CDC6: variants seen among roughly 807,000 people sequenced by gnomAD.
CDC6 encodes the protein DNA replication factor CDC6.
A neutral mutation model predicts 60.2 loss-of-function variants in CDC6; 46 were observed. The observed-to-expected ratio is 0.76, with a 90% CI of 0.60 to 0.98. The LOEUF (loss-of-function observed/expected upper bound fraction) is 0.98, where lower values mean the gene tolerates loss of function less well. Among genes scored for constraint, CDC6 ranks in the 50% least tolerant of loss-of-function variants. The pLI is 0.00. For missense variants in CDC6, 596 were observed against 652.9 expected (o/e 0.91, Z 0.95); for synonymous variants, 210 against 233.2 (o/e 0.90, Z 0.90).
At chr17:40,299,685 G>A (rs181236317) in intron 9 of CDC6, among the ~76,000 whole-genome samples, 1 of 150,824 alleles carries the variant, frequency 6.6e-6, no homozygotes, top group African/African-American at 2.4e-5. Flanking sequence ...ATTGCTTTGA[G>A]CTAAGGAGTT....
In CDC6 at chr17:40,293,438, T is replaced by G; in HGVS notation, c.661-18T>G. 1 of 1,611,528 alleles carries G rather than the reference T, an allele frequency of 6.2e-7. No homozygotes were observed. The highest frequency in any genetic ancestry group is 8.5e-7 in the Non-Finnish European group (1 of 1,177,676). On this transcript the variant is annotated intron_variant, in intron 4 of 11. Transcript: ENST00000209728. ...TCTGAGGCCAAAATAACTCCCATAT[T>G]TGCATTTTTTTTTCCAGAAGGAACT...
chr17:40,291,348 T>C lies in CDC6; in HGVS notation c.460+9T>C. On this transcript the variant is annotated intron_variant, in intron 3 of 11. Transcript: ENST00000209728. ...ACTATTCAAGCAAGAAGGTTTGTTC[T>C]TACATGGCAACTGTTAGTGCAGCCA... The C allele has an allele frequency of 3.1e-6, 5 of 1,614,118 alleles. No homozygotes were observed. Among genetic ancestry groups the C allele is most frequent in the Middle Eastern group, 1.6e-4 (1 of 6,062 alleles).
chr17:40,295,569 T>C (rs2032845693), intron 8 of CDC6, 113 bp downstream of exon 8: 2 of 746,018 alleles, frequency 2.7e-6, no homozygotes, highest in South Asian at 3.0e-5. Flanking sequence ...TCTGCTACTT[T>C]TTTACGCTCA....
At chr17:40,295,217 G>A in intron 7 of CDC6, 139 bp from the exon 8 acceptor site, 1 of 705,424 alleles carries the variant, frequency 1.4e-6, no homozygotes, top group Non-Finnish European at 2.6e-6. Flanking sequence ...TTATTTATGA[G>A]AAGAAAAGGC....
chr17:40,291,726 T>A (rs1219320167), intron 4 of CDC6, 58 bp downstream of exon 4: 1 of 1,512,896 alleles, frequency 6.6e-7, no homozygotes, highest in African/African-American at 1.4e-5. Flanking sequence ...GGTGTTTTTG[T>A]TTGTTTGTTT....
rs1488427669 is a variant in CDC6, at chr17:40,293,534, G to GCT, written c.741_742dup (p.Gln248LeufsTer17). 1 of 1,613,712 alleles carries GCT rather than the reference G, an allele frequency of 6.2e-7. No individual in the cohort carries two copies. Among genetic ancestry groups the GCT allele is most frequent in the Non-Finnish European group, 8.5e-7 (1 of 1,179,682 alleles). ...TGCCCAGGCTGTATTCCCAGCTATT[G>GCT]CTCAGGAGATTTGTCAGGAAGAGGT... On this transcript the variant is annotated frameshift_variant, in exon 5 of 12. Transcript: ENST00000209728. LOFTEE classifies it high-confidence loss of function.
intron 2 of CDC6, 110 bp from the exon 3 acceptor site, chr17:40,290,948 G>T: frequency 8.8e-7 from 1 of 1,134,210 alleles, no homozygotes. Flanking sequence ...TATTTTGGTG[G>T]TTCTGACTAA....
intron 9 of CDC6, 51 bp from the exon 10 acceptor site, chr17:40,300,773 TACAC>T: frequency 1.5e-6 from 2 of 1,305,802 alleles, no homozygotes; most frequent in Non-Finnish European, 1.1e-6. Context: ...TCATCATACA[TACAC>T]ACACACAGTA....
chr17:40,291,889 G>A (rs2032769710), intron 4 of CDC6, among the ~76,000 whole-genome samples: 1 of 152,162 alleles, frequency 6.6e-6, no homozygotes, highest in South Asian at 2.1e-4. Context: ...GGGACTACAG[G>A]CGCCCGCCAC....
chr17:40,294,168 A>G, intron 6 of CDC6, 112 bp downstream of exon 6: 1 of 1,018,236 alleles, frequency 9.8e-7, no homozygotes, highest in Non-Finnish European at 1.6e-6. Context: ...GCCGTGTCAA[A>G]ATAAGAAAGT....
Position 40,291,598 on chromosome 17 carries a change from GC to G in CDC6, c.592del (p.Leu198PhefsTer15). The G allele has an allele frequency of 6.2e-7, 1 of 1,614,230 alleles. No individual in the cohort carries two copies. The highest frequency in any genetic ancestry group is 8.5e-7 in the Non-Finnish European group (1 of 1,180,034). On this transcript the variant is annotated frameshift_variant, in exon 4 of 12. Coordinates refer to ENST00000209728, the MANE Select transcript of CDC6 (RefSeq NM_001254.4). LOFTEE classifies it high-confidence loss of function. ...REHICGKKAGSLYLSGAPGTG... is the reference protein window; with the variant it reads ...REHICGKKAGXLYLSGAPGTG... ...CACATCTGTGGGAAAAAAGCTGGAA[GC>G]CTTTACCTTTCTGGTGCTCCTGGAA...
intron 1 of CDC6, 40 bp from the exon 2 acceptor site, chr17:40,289,368 C>T: frequency 6.2e-6 from 9 of 1,457,522 alleles, no homozygotes; most frequent in Non-Finnish European, 8.7e-6. Flanking sequence ...TCTTCACTTT[C>T]ACATATTGAC....
rs759759682 is a variant in CDC6, at chr17:40,294,362, A to T, written c.944-2A>T. 1 of 1,596,086 alleles carries T rather than the reference A, an allele frequency of 6.3e-7. No homozygotes were observed. The highest frequency in any genetic ancestry group is 8.6e-7 in the Non-Finnish European group (1 of 1,163,824). ...GATCAATGTTGTTGATCTCCTCCTTAGGTATTGCTAATACCCTGGATCTCA... is the reference window on the plus strand; with the variant it reads ...GATCAATGTTGTTGATCTCCTCCTTTGGTATTGCTAATACCCTGGATCTCA... On this transcript the variant is annotated splice_acceptor_variant, in intron 6 of 11. Coordinates refer to ENST00000209728, the MANE Select transcript of CDC6 (RefSeq NM_001254.4). LOFTEE classifies it high-confidence loss of function.
At chr17:40,299,138 C>CTTTTTTTTTTTTTTTTTTTTTTT (rs67162965) in intron 9 of CDC6, among the ~76,000 whole-genome samples, 3 of 60,780 alleles carry the variant, frequency 4.9e-5, no homozygotes, top group Non-Finnish European at 9.2e-5. Flanking sequence ...AGGCCATAGT[C>CTTTTTTTTTTTTTTTTTTTTTTT]TTTTTTTTTT....
chr17:40,289,769 T>A (rs915957558), intron 2 of CDC6, among the ~76,000 whole-genome samples, 171 bp downstream of exon 2: 1 of 148,508 alleles, frequency 6.7e-6, no homozygotes, highest in African/African-American at 2.5e-5. Context: ...AGTGCAATAG[T>A]GCGATCTTGG....
chr17:40,291,638 C>T lies in CDC6; in HGVS notation c.630C>T (p.Ala210=), dbSNP rs1422281898. The T allele has an allele frequency of 3.1e-6, 5 of 1,614,080 alleles. No individual in the cohort carries two copies. The African/African-American group carries it at 6.7e-5, about 22-fold the overall frequency. ...GTGCTCCTGGAACTGGAAAAACTGCCTGCTTAAGCCGGATTCTGCAAGACC... is the reference window on the plus strand; with the variant it reads ...GTGCTCCTGGAACTGGAAAAACTGCTTGCTTAAGCCGGATTCTGCAAGACC... ...LSGAPGTGKT[A]CLSRILQDLK... is the part of the protein sequence containing the mutation. Residue 210 remains alanine (A), a synonymous_variant, in exon 4 of 12, where the codon GCC becomes GCT. Coordinates refer to ENST00000209728, the MANE Select transcript of CDC6 (RefSeq NM_001254.4).
chr17:40,302,154 GC>G lies in CDC6; in HGVS notation c.*154del. On this transcript the variant is annotated 3_prime_UTR_variant, in exon 12 of 12. Coordinates refer to ENST00000209728, the MANE Select transcript of CDC6 (RefSeq NM_001254.4). ...TTAATCTATAGATTCTTTAATATTA[GC>G]ACAGAATAATATCTTTGGGTCTTAC... 1.5e-6 allele frequency: 1 copy of G among 676,432 alleles called. No homozygotes were observed. The highest frequency in any genetic ancestry group is 2.7e-6 in the Non-Finnish European group (1 of 373,420). 41.9% of individuals were successfully genotyped at this position (676,432 alleles called of 1,614,324 possible). A position where few individuals can be genotyped will look rare whatever the true frequency, so the allele number is the denominator to read the frequency against.
At chr17:40,289,189 A>G (rs2032711532) in intron 1 of CDC6, 1 of 488,030 alleles carries the variant, frequency 2.0e-6, no homozygotes, top group Non-Finnish European at 3.8e-6. Context: ...GTTGGTACCT[A>G]AAGTGTTTAT....
rs1220948422 is a variant in CDC6 at position 40,301,035 on chromosome 17, G to A, written c.1452+5G>A. 1 of 1,605,048 alleles carries A rather than the reference G, an allele frequency of 6.2e-7. No homozygotes were observed. The highest frequency in any genetic ancestry group is 8.5e-7 in the Non-Finnish European group (1 of 1,172,202). ...AAAGAGGTCACTCTGGGGAAGGTAA[G>A]TTGGGATGGAGCAGATGGAACGGAG... On this transcript the variant is annotated splice_donor_5th_base_variant and intron_variant, in intron 10 of 11. Transcript: ENST00000209728.
Sources: gnomAD v4.1 joint callset for allele counts (sites outside exome capture counted in the v4.1 genomes callset) on GRCh38, gnomAD v4.1.1 for gene constraint, MANE v1.5 for transcripts, NCBI Gene and HGNC (gene_info 2026-07-23, HGNC 2026-07-21) for gene names.